Variants in GNAQ observed in about 807,000 individuals in gnomAD.
GNAQ encodes the protein guanine nucleotide-binding protein G(q) subunit alpha.
In GNAQ, 8 loss-of-function variants were observed where a neutral mutation model predicts 43.9. That is an observed-to-expected ratio of 0.18 (90% CI 0.11 to 0.33). GNAQ has a LOEUF of 0.33. GNAQ is among the 10% of genes least tolerant of loss of function. The pLI is 1.00. For synonymous variants in GNAQ, 155 were observed against 170.7 expected (o/e 0.91, Z 0.71); for missense variants, 158 against 450.8 (o/e 0.35, Z 5.88).
intron 1 of GNAQ, among the ~76,000 whole-genome samples, chr9:77,952,661 C>T (rs1181640346): frequency 6.6e-6 from 1 of 152,150 alleles, no homozygotes; most frequent in African/African-American, 2.4e-5. Flanking sequence ...TGCAAAATAG[C>T]CATTAGGCAT....
chr9:77,947,469 G>A (rs1370230710), intron 1 of GNAQ, among the ~76,000 whole-genome samples: 1 of 152,218 alleles, frequency 6.6e-6, no homozygotes, highest in Admixed American at 6.5e-5. Context: ...GTGACTGGTT[G>A]TGTATGCATG....
chr9:78,010,558 C>T (rs1823761605), intron 1 of GNAQ, among the ~76,000 whole-genome samples: 1 of 152,094 alleles, frequency 6.6e-6, no homozygotes, highest in African/African-American at 2.4e-5. Context: ...AATTATAACT[C>T]TCTATGAAAG....
chr9:77,950,040 T>C (rs189332188), intron 1 of GNAQ, among the ~76,000 whole-genome samples: 1 of 152,274 alleles, frequency 6.6e-6, no homozygotes, highest in African/African-American at 2.4e-5. Context: ...TTCTCACAGA[T>C]GAACCTTCCT....
intron 5 of GNAQ, among the ~76,000 whole-genome samples, chr9:77,733,838 G>C (rs1425663145): frequency 1.3e-5 from 2 of 152,224 alleles, no homozygotes; most frequent in Non-Finnish European, 1.5e-5. Flanking sequence ...CTGTGCAGTA[G>C]ATCAGGGAAG....
At chr9:77,820,383 G>C (rs1447354141) in intron 2 of GNAQ, among the ~76,000 whole-genome samples, 1 of 152,208 alleles carries the variant, frequency 6.6e-6, no homozygotes, top group Admixed American at 6.5e-5. Context: ...ATTATATGCA[G>C]AGTGACAGTT....
intron 5 of GNAQ, among the ~76,000 whole-genome samples, chr9:77,737,213 A>C (rs1825588176): frequency 6.6e-6 from 1 of 152,218 alleles, no homozygotes; most frequent in Admixed American, 6.5e-5. Flanking sequence ...CTAACAGCTC[A>C]AGAGAGATCA....
At chr9:77,952,466 A>G (rs1378560044) in intron 1 of GNAQ, among the ~76,000 whole-genome samples, 1 of 152,246 alleles carries the variant, frequency 6.6e-6, no homozygotes, top group Non-Finnish European at 1.5e-5. Context: ...AAATAATAAA[A>G]AAGTAAATAA....
intron 2 of GNAQ, among the ~76,000 whole-genome samples, chr9:77,858,034 AC>A (rs1827788587): frequency 6.6e-6 from 1 of 152,154 alleles, no homozygotes; most frequent in South Asian, 2.1e-4. Context: ...GAGAGCAAGT[AC>A]CAAGTAGGAA....
At chr9:77,945,608 C>T (rs893771087) in intron 1 of GNAQ, among the ~76,000 whole-genome samples, 3 of 152,082 alleles carry the variant, frequency 2.0e-5, no homozygotes, top group Non-Finnish European at 4.4e-5. Flanking sequence ...AAAATATATC[C>T]TCTTAGGGAA....
chr9:77,911,899 G>A (rs932730065), intron 2 of GNAQ, among the ~76,000 whole-genome samples: 3 of 152,092 alleles, frequency 2.0e-5, no homozygotes, highest in Non-Finnish European at 4.4e-5. Flanking sequence ...ATCAAACTAG[G>A]AAAAATAAAA....
At chr9:77,916,068 T>C (rs1454899078) in intron 2 of GNAQ, among the ~76,000 whole-genome samples, 1 of 152,188 alleles carries the variant, frequency 6.6e-6, no homozygotes, top group South Asian at 2.1e-4. Context: ...AGATTGGAAA[T>C]GGCCAGAGTT....
intron 1 of GNAQ, among the ~76,000 whole-genome samples, chr9:77,976,718 G>A (rs945701493): frequency 6.6e-6 from 1 of 150,796 alleles, no homozygotes; most frequent in African/African-American, 2.4e-5. Flanking sequence ...CTAGACAATA[G>A]TTTTAAGCTT....
chr9:77,856,456 T>C (rs1028929146), intron 2 of GNAQ, among the ~76,000 whole-genome samples: 9 of 152,186 alleles, frequency 5.9e-5, no homozygotes, highest in Non-Finnish European at 1.3e-4. Flanking sequence ...CTCAACTTTT[T>C]AATAAACTGG....
At chr9:77,943,838 T>TG (rs1829349480) in intron 1 of GNAQ, among the ~76,000 whole-genome samples, 1 of 151,952 alleles carries the variant, frequency 6.6e-6, no homozygotes, top group African/African-American at 2.4e-5. Context: ...GGCTAATTGT[T>TG]GTATTTTTAG....
chr9:77,838,851 T>G (rs1336194944), intron 2 of GNAQ, among the ~76,000 whole-genome samples: 2 of 152,170 alleles, frequency 1.3e-5, no homozygotes, highest in Admixed American at 1.3e-4. Context: ...TTCACTTGGA[T>G]GCTGCTGAGA....
intron 1 of GNAQ, among the ~76,000 whole-genome samples, chr9:77,995,938 T>G (rs1823561945): frequency 6.6e-6 from 1 of 152,208 alleles, no homozygotes; most frequent in Non-Finnish European, 1.5e-5. Context: ...AACTAAGGAA[T>G]ACACAAAGCC....
At chr9:77,891,032 A>C (rs2118108014) in intron 2 of GNAQ, among the ~76,000 whole-genome samples, 1 of 152,286 alleles carries the variant, frequency 6.6e-6, no homozygotes, top group South Asian at 2.1e-4. Flanking sequence ...AAATTTCCAT[A>C]ATCTGTTTCT....
chr9:77,834,361 T>C (rs1475038088), intron 2 of GNAQ, among the ~76,000 whole-genome samples: 2 of 152,252 alleles, frequency 1.3e-5, no homozygotes, highest in African/African-American at 4.8e-5. Context: ...ATTGCTTTTT[T>C]ACTCATTTGT....
At chr9:78,007,377 C>T (rs1035724102) in intron 1 of GNAQ, among the ~76,000 whole-genome samples, 20 of 148,026 alleles carry the variant, frequency 1.4e-4, no homozygotes, top group East Asian at 5.9e-4. Context: ...CAGATTCTAA[C>T]GCTGATAAAC....
Sources: gnomAD v4.1 joint callset for allele counts (sites outside exome capture counted in the v4.1 genomes callset) on GRCh38, gnomAD v4.1.1 for gene constraint, MANE v1.5 for transcripts, NCBI Gene and HGNC (gene_info 2026-07-23, HGNC 2026-07-21) for gene names.